SPATS2: variants seen among roughly 807,000 people sequenced by gnomAD.
The protein encoded by SPATS2 is spermatogenesis associated serine rich 2.
Under a neutral mutation model 63.7 loss-of-function variants are expected in SPATS2, and 38 were observed. That is an observed-to-expected ratio of 0.60 (90% CI 0.46 to 0.78). The LOEUF (loss-of-function observed/expected upper bound fraction) is 0.78. SPATS2 is among the 30% of genes least tolerant of loss of function. The pLI is 0.00. For synonymous variants in SPATS2, 207 were observed against 232.9 expected, an observed-to-expected ratio of 0.89 and a Z score of 1.01; for missense variants, 588 against 666.2, an observed-to-expected ratio of 0.88 and a Z score of 1.29.
intron 6 of SPATS2, 87 bp downstream of exon 6, chr12:49,490,818 T>TCA: frequency 8.1e-7 from 1 of 1,236,536 alleles, no homozygotes; most frequent in Non-Finnish European, 1.1e-6. Context: ...AAGAAAAGGT[T>TCA]CACATACATA....
chr12:49,385,872 TTG>T (rs1253074046), intron 2 of SPATS2, among the ~76,000 whole-genome samples: 1 of 149,294 alleles, frequency 6.7e-6, no homozygotes, highest in African/African-American at 2.5e-5. Context: ...TGTTTGTTTT[TTG>T]TTTTTTTTTT....
At chr12:49,524,530 T>C in intron 12 of SPATS2, 152 bp from the exon 13 acceptor site, 5 of 758,568 alleles carry the variant, frequency 6.6e-6, no homozygotes, top group Non-Finnish European at 1.0e-5. Context: ...GAAGGGAGAT[T>C]TTTCTTCCTG....
At chr12:49,410,061 C>G (rs1455944520) in intron 2 of SPATS2, among the ~76,000 whole-genome samples, 1 of 151,578 alleles carries the variant, frequency 6.6e-6, no homozygotes, top group African/African-American at 2.4e-5. Context: ...AAGTTTTGTT[C>G]AATACATGTT....
chr12:49,462,153 A>T (rs1360210103), intron 3 of SPATS2: 1 of 596,116 alleles, frequency 1.7e-6, no homozygotes, highest in African/African-American at 1.9e-5. Flanking sequence ...GAGAGTCTTT[A>T]TTTCATGTCT....
chr12:49,460,766 C>T lies in SPATS2; in HGVS notation c.-243-4C>T. The T allele has an allele frequency of 1.9e-6, 1 of 539,004 alleles. No individual in the cohort carries two copies. Among genetic ancestry groups the T allele is most frequent in the Non-Finnish European group, 3.3e-6 (1 of 300,650 alleles). 33.4% of individuals were successfully genotyped at this position (539,004 alleles called of 1,614,324 possible). A position where few individuals can be genotyped will look rare whatever the true frequency, so the allele number is the denominator to read the frequency against. ...TATATGTGTGTTTGTGTTTTTCCCTCCAGAATCTCCCTGGAAAAGGAGACA... is the reference window on the plus strand; with the variant it reads ...TATATGTGTGTTTGTGTTTTTCCCTTCAGAATCTCCCTGGAAAAGGAGACA... On this transcript the variant is annotated splice_region_variant and splice_polypyrimidine_tract_variant and intron_variant, in intron 2 of 13. Transcript: ENST00000552918.
chr12:49,505,060 A>C (rs905352650), intron 9 of SPATS2, among the ~76,000 whole-genome samples: 3 of 150,508 alleles, frequency 2.0e-5, no homozygotes, highest in African/African-American at 4.9e-5. Context: ...CACCTCGCCC[A>C]GCTCAGAGCT....
chr12:49,398,115 G>C, intron 2 of SPATS2, among the ~76,000 whole-genome samples: 1 of 110,518 alleles, frequency 9.0e-6, no homozygotes, highest in East Asian at 2.8e-4. Context: ...CAGCCTGGGA[G>C]ACAGAGGGAG....
rs28420769 is a variant in SPATS2 at position 49,510,286 on chromosome 12, G to A, written c.840-4269G>A. ...TTAAAAAAAAAAAAAAATCGTCCAGGTACAGCGGTTCATGCCTGTAATCCT... is the reference window on the plus strand; with the variant it reads ...TTAAAAAAAAAAAAAAATCGTCCAGATACAGCGGTTCATGCCTGTAATCCT... On this transcript the variant is annotated intron_variant, in intron 9 of 13. Coordinates refer to ENST00000552918, the MANE Select transcript of SPATS2 (RefSeq NM_023071.4). Among the ~76,000 whole-genome samples, 611 of 150,596 alleles carry A rather than the reference G, an allele frequency of 4.1e-3. 6 individuals carry two copies. Among genetic ancestry groups the A allele is most frequent in the African/African-American group, 0.014 (571 of 40,996 alleles).
chr12:49,466,535 C>T (rs995263994), intron 3 of SPATS2, among the ~76,000 whole-genome samples: 1 of 152,176 alleles, frequency 6.6e-6, no homozygotes, highest in Admixed American at 6.6e-5. Flanking sequence ...CCAGTTGTTA[C>T]AGCACGTTTT....
intron 2 of SPATS2, among the ~76,000 whole-genome samples, chr12:49,438,115 G>A (rs1376409618): frequency 1.3e-5 from 2 of 151,692 alleles, no homozygotes; most frequent in African/African-American, 2.4e-5. Context: ...TTTTCTCAGA[G>A]GAACACTGTC....
chr12:49,388,209 CTTTGCTTTAAGTGTTTCTTCG>C (rs1944353959), intron 2 of SPATS2, among the ~76,000 whole-genome samples: 1 of 152,074 alleles, frequency 6.6e-6, no homozygotes, highest in Admixed American at 6.5e-5. Flanking sequence ...CTCTGGCTTA[CTTTGCTTTAAGTGTTTCTTCG>C]TAAGCTGTAC....
intron 6 of SPATS2, among the ~76,000 whole-genome samples, chr12:49,492,644 T>G (rs537130636): frequency 6.6e-6 from 1 of 152,112 alleles, no homozygotes; most frequent in Non-Finnish European, 1.5e-5. Flanking sequence ...GAGAAAGAAA[T>G]ATGACTTCAG....
At chr12:49,404,503 T>C (rs1035861726) in intron 2 of SPATS2, among the ~76,000 whole-genome samples, 17 of 152,148 alleles carry the variant, frequency 1.1e-4, no homozygotes, top group African/African-American at 3.9e-4. Flanking sequence ...GATCTCCAGC[T>C]CCTGGCCTCA....
intron 2 of SPATS2, among the ~76,000 whole-genome samples, chr12:49,405,209 C>T (rs1047906360): frequency 6.6e-6 from 1 of 152,094 alleles, no homozygotes; most frequent in Non-Finnish European, 1.5e-5. Context: ...GTCTACCCTG[C>T]TAGATGCTTT....
At chr12:49,381,841 G>T (rs2137193045) in intron 2 of SPATS2, among the ~76,000 whole-genome samples, 1 of 152,210 alleles carries the variant, frequency 6.6e-6, no homozygotes, top group African/African-American at 2.4e-5. Context: ...CCTCCAGTTG[G>T]GACTGAACCA....
chr12:49,514,054 G>A (rs1009574059), intron 9 of SPATS2, among the ~76,000 whole-genome samples: 3 of 151,986 alleles, frequency 2.0e-5, no homozygotes, highest in Non-Finnish European at 4.4e-5. Flanking sequence ...CTACTCGGGA[G>A]GCTGAGGCAG....
At position 49,500,057 on chromosome 12, in the gene SPATS2, T is replaced by A. The variant is rs1047895756; in HGVS notation, c.704-13T>A. On this transcript the variant is annotated splice_polypyrimidine_tract_variant and intron_variant, in intron 8 of 13. Coordinates refer to ENST00000552918, the MANE Select transcript of SPATS2 (RefSeq NM_023071.4). ...CTTTTTTTTTTTTTAATATTTCGGT[T>A]TTTTTCCCCAAGGTTCCAATATTGA... 6 of 1,445,538 alleles carry A rather than the reference T, an allele frequency of 4.2e-6. No homozygotes were observed. In the Admixed American group the frequency reaches 1.1e-4, roughly 26 times the overall value. The allele number at this position is 1,445,538 out of a possible 1,614,324, so 89.5% of individuals were successfully genotyped here.
intron 8 of SPATS2, among the ~76,000 whole-genome samples, chr12:49,498,329 A>C (rs1171645958): frequency 1.3e-5 from 2 of 151,812 alleles, no homozygotes; most frequent in Non-Finnish European, 2.9e-5. Flanking sequence ...TAATTTGGGG[A>C]TTGGTGAATA....
intron 2 of SPATS2, among the ~76,000 whole-genome samples, chr12:49,424,203 AAAAC>A (rs556788594): frequency 1.4e-4 from 22 of 152,212 alleles, no homozygotes; most frequent in African/African-American, 2.2e-4. Flanking sequence ...ACTCTGTCTC[AAAAC>A]AAACAAACAA....
Sources: allele counts gnomAD v4.1 joint callset (sites outside exome capture counted in the v4.1 genomes callset), GRCh38; gene constraint gnomAD v4.1.1; transcripts MANE v1.5; gene names NCBI Gene and HGNC (gene_info 2026-07-23, HGNC 2026-07-21).